Variants in SETBP1 observed in about 807,000 individuals in gnomAD.
SETBP1 encodes SET-binding protein.
A neutral mutation model predicts 101.0 loss-of-function variants in SETBP1; 9 were observed. The ratio of observed to expected loss-of-function variants is 0.09; its 90% CI spans 0.05 to 0.16. The LOEUF (loss-of-function observed/expected upper bound fraction) is 0.16, where lower values mean the gene tolerates loss of function less well. Ranked by LOEUF, SETBP1 falls within the 10% of genes least tolerant of loss-of-function variation. The pLI is 1.00. For synonymous variants in SETBP1, 818 were observed against 788.5 expected (o/e 1.04, Z -0.63); for missense variants, 1,858 against 2,033.8 (o/e 0.91, Z 1.66).
At chr18:44,855,240 A>T (rs1433600054) in intron 2 of SETBP1, among the ~76,000 whole-genome samples, 33 of 150,530 alleles carry the variant, frequency 2.2e-4, no homozygotes, top group Non-Finnish European at 4.4e-5. Context: ...TGTTTGTCTC[A>T]TTGAGAATAA....
intron 2 of SETBP1, among the ~76,000 whole-genome samples, chr18:44,744,904 G>A (rs2070200528): frequency 6.6e-6 from 1 of 152,212 alleles, no homozygotes; most frequent in African/African-American, 2.4e-5. Flanking sequence ...ATTGTCCAGG[G>A]TGGCGGGATG....
intron 2 of SETBP1, among the ~76,000 whole-genome samples, chr18:44,863,489 G>C (rs192183379): frequency 2.6e-5 from 4 of 152,306 alleles, no homozygotes; most frequent in African/African-American, 7.2e-5. Context: ...TTACCCGTAG[G>C]CTGTTCTGAA....
In SETBP1 at chr18:44,951,971, C is replaced by T. The variant is rs2071364753; in HGVS notation, c.2631C>T (p.Ser877=). 1 of 1,614,072 alleles carries T rather than the reference C, an allele frequency of 6.2e-7. No individual in the cohort carries two copies. The highest frequency in any genetic ancestry group is 8.5e-7 in the Non-Finnish European group (1 of 1,180,028). The change falls in exon 4 of 6, where the codon AGC becomes AGT. Residue 877 remains serine (S), a synonymous_variant. Coordinates refer to ENST00000649279, the MANE Select transcript of SETBP1 (RefSeq NM_015559.3). This position sits in a 1 kb window ranked among gnomAD's most constrained non-coding sequence, Gnocchi z 7.8. ...GCGGCATTGGGACAGACAACAACAG[C>T]ACTTCTGACCAAGCGGAGAAGAGCT... ...SDSGIGTDNN[S]TSDQAEKSSE...
intron 3 of SETBP1, among the ~76,000 whole-genome samples, chr18:44,893,327 T>C (rs768394984): frequency 2.0e-4 from 30 of 152,182 alleles, no homozygotes; most frequent in Non-Finnish European, 3.5e-4. Context: ...CACTAAATGC[T>C]CATAATAACC....
At chr18:44,696,922 G>A (rs754734103) in intron 1 of SETBP1, among the ~76,000 whole-genome samples, 17 of 152,172 alleles carry the variant, frequency 1.1e-4, no homozygotes, top group East Asian at 3.8e-4. Flanking sequence ...GCCTGGGGCC[G>A]ACAAGGCTGT....
chr18:45,012,690 AT>A (rs1446232478), intron 4 of SETBP1, among the ~76,000 whole-genome samples: 2 of 152,360 alleles, frequency 1.3e-5, no homozygotes, highest in Middle Eastern at 3.4e-3. Context: ...CATAAAAAAA[AT>A]AAAATCATGT....
rs1364462484 is a variant in SETBP1 at position 44,891,633 on chromosome 18, T to C, written c.540+22350T>C. Among the ~76,000 whole-genome samples, 5 of 118,490 alleles carry C rather than the reference T, an allele frequency of 4.2e-5. No homozygotes were observed. The Middle Eastern group carries it at 0.017, about 409-fold the overall frequency. 77.7% of individuals were successfully genotyped at this position (118,490 alleles called of 152,430 possible). On this transcript the variant is annotated intron_variant, in intron 3 of 5. Transcript: ENST00000649279. ...TGCTGTTAACTCAGGCTGCAAATGT[T>C]CTATTCCTGAAAAAAAAATGTATTT... is the stretch of plus-strand genomic sequence containing the variant.
At chr18:44,706,092 G>A (rs773643549) in intron 2 of SETBP1, among the ~76,000 whole-genome samples, 3 of 152,118 alleles carry the variant, frequency 2.0e-5, no homozygotes, top group Non-Finnish European at 2.9e-5. Context: ...AAGCTACTTC[G>A]GGGCCTCTGA....
chr18:44,867,227 TG>T (rs1328996823), intron 2 of SETBP1, among the ~76,000 whole-genome samples: 1 of 152,240 alleles, frequency 6.6e-6, no homozygotes, highest in Non-Finnish European at 1.5e-5. Flanking sequence ...GCCACCCAGG[TG>T]ATCCTCACCG....
At chr18:44,763,331 G>T (rs1051418288) in intron 2 of SETBP1, among the ~76,000 whole-genome samples, 1 of 152,238 alleles carries the variant, frequency 6.6e-6, no homozygotes, top group Non-Finnish European at 1.5e-5. Context: ...ACAAACCAAT[G>T]TGGCATAGAA....
intron 3 of SETBP1, among the ~76,000 whole-genome samples, chr18:44,933,730 G>A (rs2070891021): frequency 1.3e-5 from 2 of 152,184 alleles, no homozygotes; most frequent in South Asian, 4.1e-4. Context: ...AGGCTCCGTG[G>A]GTGTGGTACC....
intron 2 of SETBP1, among the ~76,000 whole-genome samples, chr18:44,751,149 G>A (rs887126504): frequency 3.3e-5 from 5 of 152,202 alleles, no homozygotes; most frequent in Non-Finnish European, 7.3e-5. Flanking sequence ...TTTATGGAAT[G>A]TGTAGACAGT....
chr18:44,941,757 A>G (rs1599353815), intron 3 of SETBP1, among the ~76,000 whole-genome samples: 1 of 149,448 alleles, frequency 6.7e-6, no homozygotes, highest in Admixed American at 6.7e-5. Flanking sequence ...AAGCAACTCC[A>G]GTGAGTTTTT....
intron 4 of SETBP1, among the ~76,000 whole-genome samples, chr18:44,964,822 C>G (rs1213624721): frequency 6.6e-6 from 1 of 152,196 alleles, no homozygotes; most frequent in Non-Finnish European, 1.5e-5. Flanking sequence ...TTTGCCTCCT[C>G]TTTTCTCCAC....
At chr18:44,864,364 T>A (rs1414163610) in intron 2 of SETBP1, among the ~76,000 whole-genome samples, 1 of 152,100 alleles carries the variant, frequency 6.6e-6, no homozygotes, top group Non-Finnish European at 1.5e-5. Flanking sequence ...GGATTTCTAC[T>A]CTCACCTCCT....
chr18:44,986,063 C>T (rs905024273), intron 4 of SETBP1: 1 of 152,128 alleles, frequency 6.6e-6, no homozygotes, highest in African/African-American at 2.4e-5. Flanking sequence ...GTGTGCGTAA[C>T]CAGACCTCTC....
intron 2 of SETBP1, among the ~76,000 whole-genome samples, chr18:44,856,059 T>G (rs1464624282): frequency 3.3e-5 from 5 of 151,352 alleles, no homozygotes; most frequent in Non-Finnish European, 7.4e-5. Context: ...CATCTTGTTT[T>G]TTTTTTTTTT....
At position 44,951,682 on chromosome 18, in the gene SETBP1, C is replaced by T. The variant is rs765530145; in HGVS notation, c.2342C>T (p.Thr781Ile). 3.7e-6 allele frequency: 6 copies of T among 1,614,208 alleles called. No homozygotes were observed. The East Asian group carries it at 1.1e-4, about 30-fold the overall frequency. ...CCAGCAGCTATGCACCCACTTTCAA[C>T]ACAGTTAGGTGGGTCCAATGGCAAC... Reference protein sequence around the residue: ...SSPAAMHPLSTQLGGSNGNLS... With the variant: ...SSPAAMHPLSIQLGGSNGNLS... Residue 781 changes from threonine to isoleucine, a missense_variant, in exon 4 of 6, where the codon ACA (threonine) becomes ATA (isoleucine). Transcript: ENST00000649279. The surrounding 1 kb of genome is among the most constrained non-coding windows in gnomAD (Gnocchi z 7.8).
At chr18:44,738,124 C>T (rs2070011852) in intron 2 of SETBP1, among the ~76,000 whole-genome samples, 1 of 152,082 alleles carries the variant, frequency 6.6e-6, no homozygotes, top group African/African-American at 2.4e-5. Flanking sequence ...TGTGACTTGC[C>T]CATATAAACT....
Sources: allele counts gnomAD v4.1 joint callset (sites outside exome capture counted in the v4.1 genomes callset), GRCh38; gene constraint gnomAD v4.1.1; non-coding constraint Gnocchi (gnomAD v3.1); transcripts MANE v1.5; gene names NCBI Gene and HGNC (gene_info 2026-07-23, HGNC 2026-07-21).